Variants in DENND1A observed in about 807,000 individuals in gnomAD.
The protein encoded by DENND1A is DENN domain containing 1A.
In DENND1A, 51 loss-of-function variants were observed where a neutral mutation model predicts 113.7. That is an observed-to-expected ratio of 0.45 (90% CI 0.36 to 0.57). DENND1A has a LOEUF of 0.57. Among genes scored for constraint, DENND1A ranks in the 20% least tolerant of loss-of-function variants. The pLI, the probability that DENND1A is intolerant of heterozygous loss-of-function variation, is 0.00. For synonymous variants in DENND1A, 565 were observed against 570.8 expected (o/e 0.99, Z 0.14); for missense variants, 1,258 against 1,395.9 (o/e 0.90, Z 1.57).
At chr9:123,607,107 C>T (rs1250278430) in intron 11 of DENND1A, among the ~76,000 whole-genome samples, 7 of 152,118 alleles carry the variant, frequency 4.6e-5, no homozygotes, top group Non-Finnish European at 1.0e-4. Context: ...TTATGTAGCC[C>T]ATGGTTATCA....
At chr9:123,711,857 C>T (rs965417420) in intron 5 of DENND1A, among the ~76,000 whole-genome samples, 11 of 152,116 alleles carry the variant, frequency 7.2e-5, no homozygotes, top group Non-Finnish European at 1.6e-4. Flanking sequence ...CTGTTCTTAA[C>T]CCTTATCACT....
At chr9:123,555,629 T>C (rs1043107042) in intron 13 of DENND1A, among the ~76,000 whole-genome samples, 4 of 152,258 alleles carry the variant, frequency 2.6e-5, no homozygotes, top group Non-Finnish European at 5.9e-5. Flanking sequence ...ACAGGCAGGC[T>C]TATCCTCATT....
chr9:123,484,530 C>T (rs1588763449), intron 13 of DENND1A, among the ~76,000 whole-genome samples: 1 of 152,254 alleles, frequency 6.6e-6, no homozygotes, highest in South Asian at 2.1e-4. Context: ...GAGGGTGCAG[C>T]GGATAGGAAG....
At chr9:123,476,721 C>G (rs191346215) in intron 13 of DENND1A, among the ~76,000 whole-genome samples, 3 of 152,172 alleles carry the variant, frequency 2.0e-5, no homozygotes, top group Non-Finnish European at 4.4e-5. Flanking sequence ...TACCATGTGC[C>G]AGGTACCCTT....
intron 2 of DENND1A, among the ~76,000 whole-genome samples, chr9:123,873,197 T>G (rs1353645087): frequency 1.3e-5 from 2 of 152,230 alleles, no homozygotes; most frequent in African/African-American, 2.4e-5. Context: ...AAATATTAAG[T>G]GACAGTTTAT....
intron 2 of DENND1A, among the ~76,000 whole-genome samples, chr9:123,804,454 C>T (rs893854401): frequency 6.6e-6 from 1 of 152,206 alleles, no homozygotes; most frequent in Non-Finnish European, 1.5e-5. Context: ...TCTGCAGGCT[C>T]CTTGCTGATC....
rs561882418 is a variant in DENND1A at position 123,460,633 on chromosome 9, T to C, written c.994-2736A>G. On this transcript the variant is annotated intron_variant, in intron 13 of 23. Coordinates refer to ENST00000394215, the MANE Select transcript of DENND1A (RefSeq NM_001352964.2). Reference sequence around the variant, plus strand: ...CAGACTTTCTAACTCCTTCCTATTTTACCTGTGAATTGTCTCACGCTCACC... The same window carrying C: ...CAGACTTTCTAACTCCTTCCTATTTCACCTGTGAATTGTCTCACGCTCACC... Among the ~76,000 whole-genome samples, 5 of 152,352 alleles carry C rather than the reference T, an allele frequency of 3.3e-5. No individual in the cohort carries two copies. The South Asian group carries it at 1.0e-3, about 32-fold the overall frequency.
At chr9:123,748,732 G>A (rs569042004) in intron 5 of DENND1A, among the ~76,000 whole-genome samples, 1 of 152,294 alleles carries the variant, frequency 6.6e-6, no homozygotes, top group African/African-American at 2.4e-5. Flanking sequence ...GCTTATTGCT[G>A]TTGAAGGAAA....
chr9:123,782,874 G>A (rs1752157), intron 3 of DENND1A, among the ~76,000 whole-genome samples: 19 of 149,672 alleles, frequency 1.3e-4, no homozygotes, highest in Non-Finnish European at 8.9e-5. Context: ...AGCTCCCCCC[G>A]CTCACATACA....
At chr9:123,843,262 G>T in intron 2 of DENND1A, 1 of 466,842 alleles carries the variant, frequency 2.1e-6, no homozygotes, top group Non-Finnish European at 4.3e-6. Context: ...TATCACACAA[G>T]GTAACTTGAT....
At chr9:123,683,028 TC>T (rs888199161) in intron 5 of DENND1A, among the ~76,000 whole-genome samples, 1 of 122,796 alleles carries the variant, frequency 8.1e-6, no homozygotes, top group Non-Finnish European at 1.6e-5. Flanking sequence ...AGACAATACG[TC>T]CCCTATCCAC....
At chr9:123,903,224 T>C (rs1281255389) in intron 1 of DENND1A, among the ~76,000 whole-genome samples, 1 of 140,338 alleles carries the variant, frequency 7.1e-6, no homozygotes, top group African/African-American at 2.7e-5. Flanking sequence ...CCCAGCTACT[T>C]GGGAGGCTGA....
chr9:123,503,007 G>A (rs1462245653), intron 13 of DENND1A, among the ~76,000 whole-genome samples: 1 of 152,224 alleles, frequency 6.6e-6, no homozygotes. Context: ...TGAAGCCTTA[G>A]TTTGCTCATT....
chr9:123,802,004 CAAAG>C (rs1834753979), intron 2 of DENND1A, among the ~76,000 whole-genome samples: 1 of 152,114 alleles, frequency 6.6e-6, no homozygotes, highest in Admixed American at 6.5e-5. Flanking sequence ...ATTCAAAAGA[CAAAG>C]AACTATGTCT....
In DENND1A at chr9:123,591,555, G is replaced by A. The variant is rs145541315; in HGVS notation, c.766-8285C>T. Among the ~76,000 whole-genome samples, 174 of 152,334 alleles carry A rather than the reference G, an allele frequency of 1.1e-3. 1 individual carries two copies. Among genetic ancestry groups the A allele is most frequent in the African/African-American group, 4.1e-3 (169 of 41,576 alleles). Reference sequence around the variant, plus strand: ...GTTGTGTGGTTCAGGGAGGTGACATGCATAGAGTAAACAGGCCAGCACTGA... The same window carrying A: ...GTTGTGTGGTTCAGGGAGGTGACATACATAGAGTAAACAGGCCAGCACTGA... On this transcript the variant is annotated intron_variant, in intron 11 of 23. Coordinates refer to ENST00000394215, the MANE Select transcript of DENND1A (RefSeq NM_001352964.2).
chr9:123,583,770 A>G (rs1361921928), intron 11 of DENND1A, among the ~76,000 whole-genome samples: 2 of 152,118 alleles, frequency 1.3e-5, no homozygotes, highest in Admixed American at 6.5e-5. Flanking sequence ...CTTCCCTTAA[A>G]CGCCAAGTAG....
At chr9:123,757,608 G>T (rs2070679054) in intron 5 of DENND1A, 95 bp downstream of exon 5, 1 of 1,533,314 alleles carries the variant, frequency 6.5e-7, no homozygotes, top group African/African-American at 1.4e-5. Context: ...ATAGGAAAAT[G>T]AAATGAACAG....
intron 2 of DENND1A, among the ~76,000 whole-genome samples, chr9:123,807,009 T>C (rs1331964598): frequency 6.6e-6 from 1 of 152,226 alleles, no homozygotes; most frequent in East Asian, 1.9e-4. Context: ...TGAAAGAGTG[T>C]TAATAAGTTC....
chr9:123,795,507 C>T (rs1833632473), intron 2 of DENND1A, among the ~76,000 whole-genome samples: 1 of 152,296 alleles, frequency 6.6e-6, no homozygotes, highest in East Asian at 1.9e-4. Context: ...TAGCACCCTG[C>T]AGTTAAGCAA....
Sources: gnomAD v4.1 joint callset for allele counts (sites outside exome capture counted in the v4.1 genomes callset) on GRCh38, gnomAD v4.1.1 for gene constraint, MANE v1.5 for transcripts, NCBI Gene and HGNC (gene_info 2026-07-23, HGNC 2026-07-21) for gene names.